The following ADCY7 variants were observed in gnomAD, a reference collection of about 807,000 sequenced individuals.
ADCY7 encodes the protein adenylate cyclase 7.
ADCY7 carries 72 observed loss-of-function variants against 120.6 expected under a neutral mutation model. The ratio of observed to expected loss-of-function variants is 0.60; its 90% CI spans 0.49 to 0.73. The LOEUF is 0.73. Among genes scored for constraint, ADCY7 ranks in the 30% least tolerant of loss-of-function variants. The probability of loss-of-function intolerance (pLI) is 0.00; values close to 1 mark genes in which losing one functional copy is unlikely to be tolerated. For missense variants in ADCY7, 1,227 were observed against 1,486.0 expected, an observed-to-expected ratio of 0.83 and a Z score of 2.87; for synonymous variants, 661 against 628.0, an observed-to-expected ratio of 1.05 and a Z score of -0.78.
At chr16:50,305,731 G>A (rs1475262142) in intron 13 of ADCY7, 46 bp from the exon 14 acceptor site, 4 of 1,562,336 alleles carry the variant, frequency 2.6e-6, no homozygotes, top group Non-Finnish European at 3.5e-6. Flanking sequence ...TGAGGGAATG[G>A]ACCCCTTCCC....
intron 10 of ADCY7, among the ~76,000 whole-genome samples, chr16:50,302,211 C>T (rs946391776): frequency 3.3e-5 from 5 of 152,296 alleles, no homozygotes; most frequent in East Asian, 1.9e-4. Flanking sequence ...CAAAACACTC[C>T]TCCCTCCGTC....
At position 50,291,865 on chromosome 16, in the gene ADCY7, T is replaced by G; in HGVS notation, c.505T>G (p.Phe169Val). 1 of 1,613,638 alleles carries G rather than the reference T, an allele frequency of 6.2e-7. No individual in the cohort carries two copies. Among genetic ancestry groups the G allele is most frequent in the Non-Finnish European group, 8.5e-7 (1 of 1,179,700 alleles). ...LLVLGSLMGG[F>V]TTPSVRVGLQ... ...GGTGCTCGGTTCTTTGATGGGAGGC[T>G]TCACGACACCCAGTGTCCGGGTGGG... The change falls in exon 4 of 26, where the codon TTC (phenylalanine) becomes GTC (valine). Residue 169 changes from phenylalanine to valine, a missense_variant. This residue lies in a region of ADCY7 where 382 missense variants were observed against 411.4 expected (regional missense o/e 0.93). Transcript: ENST00000673801.
chr16:50,265,707 G>GGT (rs1178311364), upstream of ADCY7, among the ~76,000 whole-genome samples: 7 of 152,338 alleles, frequency 4.6e-5, no homozygotes, highest in East Asian at 1.3e-3. Flanking sequence ...AGGTGGAGGA[G>GGT]GTACACCATT....
rs2036225570 is a variant in ADCY7, at chr16:50,308,429, GC to G, written c.1935+22del. On this transcript the variant is annotated intron_variant, in intron 16 of 25. Transcript: ENST00000673801. ...AGTTCTCGGTAAGTGGGGAGCTCTGGCCCCGCGGGCCCTCCCTCCCTGCCTC... is the reference window on the plus strand; with the variant it reads ...AGTTCTCGGTAAGTGGGGAGCTCTGGCCCGCGGGCCCTCCCTCCCTGCCTC... 2.5e-6 allele frequency: 4 copies of G among 1,613,872 alleles called. No homozygotes were observed. The East Asian group carries it at 8.9e-5, about 36-fold the overall frequency.
chr16:50,278,965 G>A (rs1440507150), intron 1 of ADCY7, among the ~76,000 whole-genome samples: 1 of 150,468 alleles, frequency 6.6e-6, no homozygotes, highest in Non-Finnish European at 1.5e-5. Flanking sequence ...TCTGCCTCCC[G>A]AGTTCAAGTG....
upstream of ADCY7, among the ~76,000 whole-genome samples, chr16:50,262,465 T>C (rs1437492262): frequency 6.6e-6 from 1 of 152,000 alleles, no homozygotes; most frequent in Non-Finnish European, 1.5e-5. Flanking sequence ...GTAGCTGGGA[T>C]TCAGGCGCCT....
rs2035132675 is a variant in ADCY7 at position 50,293,476 on chromosome 16, C to T, written c.810C>T (p.Leu270=). The change falls in exon 6 of 26, where the codon CTC becomes CTT. Residue 270 remains leucine (L), a synonymous_variant. Transcript: ENST00000673801. ...RCMPDNNFHS[L]YVKRHQNVSI... ...TGCCTGACAACAACTTCCACAGCCTCTACGTCAAGAGGCACCAGAATGTCA... is the reference window on the plus strand; with the variant it reads ...TGCCTGACAACAACTTCCACAGCCTTTACGTCAAGAGGCACCAGAATGTCA... 6.2e-7 allele frequency: 1 copy of T among 1,614,052 alleles called. No individual in the cohort carries two copies.
intron 1 of ADCY7, among the ~76,000 whole-genome samples, chr16:50,260,369 T>C (rs942128268): frequency 3.3e-5 from 5 of 152,144 alleles, no homozygotes; most frequent in Non-Finnish European, 7.4e-5. Context: ...AAACCCACTG[T>C]AACCAAAGGG....
chr16:50,253,831 T>C (rs1317816481), intron 1 of ADCY7, among the ~76,000 whole-genome samples: 1 of 152,142 alleles, frequency 6.6e-6, no homozygotes, highest in East Asian at 1.9e-4. Context: ...TGCTACATGC[T>C]GGTGGGGACT....
chr16:50,310,491 C>T, intron 18 of ADCY7, 196 bp from the exon 19 acceptor site: 1 of 1,536,942 alleles, frequency 6.5e-7, no homozygotes, highest in Non-Finnish European at 8.7e-7. Context: ...AATGAGCTCA[C>T]TTCATAAGAA....
rs760135491 is a variant in ADCY7 at position 50,292,031 on chromosome 16, G to A, written c.537+134G>A. On this transcript the variant is annotated intron_variant, in intron 4 of 25. Coordinates refer to ENST00000673801, the MANE Select transcript of ADCY7 (RefSeq NM_001114.5). ...TGCAGACAGCCCGCTCCAAGGCCGG[G>A]CCCTCTCCACGTCTGCTCGGAAGCT... 5.5e-5 allele frequency: 57 copies of A among 1,045,352 alleles called. 1 individual carries two copies. The highest frequency in any genetic ancestry group is 7.6e-5 in the Non-Finnish European group (56 of 741,206). 64.8% of individuals were successfully genotyped at this position (1,045,352 alleles called of 1,614,324 possible). A position where few individuals can be genotyped will look rare whatever the true frequency, so the allele number is the denominator to read the frequency against.
chr16:50,252,644 A>G (rs537358008), intron 1 of ADCY7, among the ~76,000 whole-genome samples: 18 of 152,316 alleles, frequency 1.2e-4, no homozygotes, highest in Admixed American at 7.8e-4. Flanking sequence ...TGAGGCTCAG[A>G]GAGGTGAAGT....
chr16:50,291,877 A>G lies in ADCY7; in HGVS notation c.517A>G (p.Ser173Gly), dbSNP rs2034998125. The change falls in exon 4 of 26, where the codon AGT becomes GGT. Residue 173 changes from serine to glycine, a missense_variant. Coordinates refer to ENST00000673801, the MANE Select transcript of ADCY7 (RefSeq NM_001114.5). The stretch of plus-strand genomic sequence containing the variant: ...TTTGATGGGAGGCTTCACGACACCC[A>G]GTGTCCGGGTGGGGCTGCAGGTGAG... ...GSLMGGFTTP[S>G]VRVGLQLLAN... 6.2e-7 allele frequency: 1 copy of G among 1,612,594 alleles called. No individual in the cohort carries two copies. Among genetic ancestry groups the G allele is most frequent in the African/African-American group, 1.3e-5 (1 of 74,892 alleles).
Position 50,315,086 on chromosome 16 carries a change from C to G in ADCY7, c.3044C>G (p.Thr1015Ser). ...RKPQYDIWGN[T>S]VNVASRMEST... ...CCTCAGTATGACATCTGGGGAAACA[C>G]TGTCAATGTGGCCAGCCGAATGGAA... The change falls in exon 25 of 26, where the codon ACT (threonine) becomes AGT (serine). Residue 1015 changes from threonine to serine, a missense_variant. By Grantham distance (58) the Thr-to-Ser change is moderately conservative (BLOSUM62 1). This residue lies in a region of ADCY7 where 244 missense variants were observed against 332.8 expected (regional missense o/e 0.73). Coordinates refer to ENST00000673801, the MANE Select transcript of ADCY7 (RefSeq NM_001114.5). 6.2e-7 allele frequency: 1 copy of G among 1,614,206 alleles called. No homozygotes were observed. Among genetic ancestry groups the G allele is most frequent in the East Asian group, 2.2e-5 (1 of 44,886 alleles).
intron 1 of ADCY7, chr16:50,279,469 C>T (rs1158347710): frequency 6.6e-6 from 1 of 152,198 alleles, no homozygotes; most frequent in Non-Finnish European, 1.5e-5. Flanking sequence ...GAATTTCAAG[C>T]AAGAGTGAGG....
At chr16:50,273,486 C>T (rs2033694531) in intron 1 of ADCY7, among the ~76,000 whole-genome samples, 1 of 152,210 alleles carries the variant, frequency 6.6e-6, no homozygotes, top group African/African-American at 2.4e-5. Flanking sequence ...GCAGCAGTGC[C>T]TGCACCTGCT....
At chr16:50,305,979 G>A (rs914235726) in intron 14 of ADCY7, 130 bp downstream of exon 14, 5 of 879,878 alleles carry the variant, frequency 5.7e-6, no homozygotes, top group Non-Finnish European at 9.1e-6. Flanking sequence ...AGAATCCACA[G>A]CTGCTCCTGG....
chr16:50,275,288 A>G (rs1169372069), intron 1 of ADCY7, among the ~76,000 whole-genome samples: 1 of 152,192 alleles, frequency 6.6e-6, no homozygotes, highest in Admixed American at 6.5e-5. Flanking sequence ...TCTTGTGCGC[A>G]GCTAGCCCAA....
At chr16:50,255,931 A>C (rs1334444856) in intron 1 of ADCY7, among the ~76,000 whole-genome samples, 2 of 152,258 alleles carry the variant, frequency 1.3e-5, no homozygotes, top group Non-Finnish European at 2.9e-5. Context: ...AACCAACTCA[A>C]AATGGACTGA....
Sources: allele counts gnomAD v4.1 joint callset (sites outside exome capture counted in the v4.1 genomes callset), GRCh38; gene constraint gnomAD v4.1.1; regional missense constraint gnomAD v4.1.1; transcripts MANE v1.5; gene names NCBI Gene and HGNC (gene_info 2026-07-23, HGNC 2026-07-21).